Variants in KCNMA1 observed in about 807,000 individuals in gnomAD.
The protein encoded by KCNMA1 is Calcium-activated potassium channel subunit alpha-1.
Under a neutral mutation model 140.0 loss-of-function variants are expected in KCNMA1, and 29 were observed. The observed-to-expected ratio is 0.21, with a 90% CI of 0.15 to 0.28. The LOEUF (loss-of-function observed/expected upper bound fraction) is 0.28. KCNMA1 is among the 10% of genes least tolerant of loss of function. The pLI is 1.00. For missense variants in KCNMA1, 880 were observed against 1,602.2 expected (o/e 0.55, Z 7.70); for synonymous variants, 612 against 611.9 (o/e 1.00, Z 0.00).
chr10:77,330,967 G>A (rs1566023382), intron 2 of KCNMA1, among the ~76,000 whole-genome samples: 1 of 152,096 alleles, frequency 6.6e-6, no homozygotes, highest in Non-Finnish European at 1.5e-5. Flanking sequence ...AAATAGGAGG[G>A]TCCTATTGTT....
intron 21 of KCNMA1, among the ~76,000 whole-genome samples, chr10:76,953,428 A>G (rs2067019995): frequency 6.6e-6 from 1 of 152,174 alleles, no homozygotes; most frequent in Non-Finnish European, 1.5e-5. Context: ...TTTTACAGAT[A>G]AGAAAACCGA....
intron 1 of KCNMA1, among the ~76,000 whole-genome samples, chr10:77,435,934 T>A (rs7071433): frequency 0.11 from 17,032 of 152,224 alleles, 1,023 homozygotes; most frequent in Middle Eastern, 0.19. Flanking sequence ...CAGATGCCTA[T>A]GAAAGGGGAG....
At chr10:76,906,992 T>C (rs1481248519) in intron 25 of KCNMA1, among the ~76,000 whole-genome samples, 1 of 152,228 alleles carries the variant, frequency 6.6e-6, no homozygotes, top group Non-Finnish European at 1.5e-5. Context: ...ATGACTTACT[T>C]AAATATGTCT....
intron 3 of KCNMA1, among the ~76,000 whole-genome samples, chr10:77,244,490 C>T (rs1392650880): frequency 6.6e-6 from 1 of 152,134 alleles, no homozygotes; most frequent in Non-Finnish European, 1.5e-5. Context: ...GCAAGGAAGA[C>T]AAGATTTCCT....
rs1471647424 is a variant in KCNMA1 at position 77,283,353 on chromosome 10, C to T, written c.541-32097G>A. Among the ~76,000 whole-genome samples the T allele has an allele frequency of 3.3e-5, 5 of 152,220 alleles. 1 individual carries two copies. The highest frequency in any genetic ancestry group is 3.3e-4 in the Admixed American group (5 of 15,284). On this transcript the variant is annotated intron_variant, in intron 2 of 27. Coordinates refer to ENST00000286628, the MANE Select transcript of KCNMA1 (RefSeq NM_001161352.2). ...GGCTCGAGGAGGAGGGAGAAGGAGG[C>T]AGGGTTTCATTTCAAGATCAGTCAG...
intron 1 of KCNMA1, among the ~76,000 whole-genome samples, chr10:77,526,567 G>A (rs1338239077): frequency 2.6e-5 from 4 of 152,186 alleles, no homozygotes; most frequent in Admixed American, 1.3e-4. Context: ...TTAGTGGCCC[G>A]ATCATTCCTA....
At chr10:77,471,600 A>G (rs2098153499) in intron 1 of KCNMA1, among the ~76,000 whole-genome samples, 1 of 150,412 alleles carries the variant, frequency 6.6e-6, no homozygotes, top group African/African-American at 2.5e-5. Flanking sequence ...ACACACACAC[A>G]CCACACACAC....
intron 1 of KCNMA1, among the ~76,000 whole-genome samples, chr10:77,583,275 C>A (rs2076361014): frequency 6.6e-6 from 1 of 152,212 alleles, no homozygotes; most frequent in African/African-American, 2.4e-5. Flanking sequence ...CACTATGAAG[C>A]CCATCAGAAA....
intron 1 of KCNMA1, chr10:77,636,230 G>C: frequency 7.0e-7 from 1 of 1,432,030 alleles, no homozygotes; most frequent in East Asian, 2.5e-5. Context: ...TTATTCTGCA[G>C]TTTTCTATCA....
At chr10:76,939,206 C>T (rs147924301) in intron 23 of KCNMA1, 2,112 of 149,768 alleles carry the variant, frequency 0.014, 28 homozygotes, top group Non-Finnish European at 0.024. Context: ...ATGCAAGCTC[C>T]GCCTCCTGGG....
chr10:77,046,378 C>A (rs933398634), intron 14 of KCNMA1, among the ~76,000 whole-genome samples: 2 of 151,990 alleles, frequency 1.3e-5, no homozygotes, highest in African/African-American at 4.8e-5. Context: ...TTATCATGAC[C>A]CCACACCCCC....
chr10:77,268,019 T>A (rs2063893437), intron 2 of KCNMA1, among the ~76,000 whole-genome samples: 2 of 152,302 alleles, frequency 1.3e-5, no homozygotes, highest in South Asian at 4.1e-4. Flanking sequence ...CCCAGTTTGC[T>A]TGATGTCCTG....
chr10:76,984,633 G>A (rs191993316), intron 19 of KCNMA1, among the ~76,000 whole-genome samples: 102 of 152,278 alleles, frequency 6.7e-4, no homozygotes, highest in African/African-American at 2.3e-3. Context: ...GGATTAATTT[G>A]TGTAAATAGA....
At chr10:77,130,894 A>G (rs1003202550) in intron 5 of KCNMA1, among the ~76,000 whole-genome samples, 1 of 152,184 alleles carries the variant, frequency 6.6e-6, no homozygotes, top group East Asian at 1.9e-4. Flanking sequence ...ACATATGTCT[A>G]TCTCCACAAT....
At chr10:77,295,108 G>C (rs1265777510) in intron 2 of KCNMA1, among the ~76,000 whole-genome samples, 2 of 151,946 alleles carry the variant, frequency 1.3e-5, no homozygotes, top group African/African-American at 4.8e-5. Flanking sequence ...AGCACTTTGG[G>C]AAGCCAAGGT....
intron 5 of KCNMA1, among the ~76,000 whole-genome samples, chr10:77,182,391 T>G (rs1389705569): frequency 6.6e-6 from 1 of 152,162 alleles, no homozygotes; most frequent in Non-Finnish European, 1.5e-5. Context: ...TCATGATTAG[T>G]TAGGAAGCCA....
At chr10:77,600,857 G>C (rs1004785435) in intron 1 of KCNMA1, among the ~76,000 whole-genome samples, 1 of 152,094 alleles carries the variant, frequency 6.6e-6, no homozygotes, top group African/African-American at 2.4e-5. Flanking sequence ...CAGCGCCCAG[G>C]CATGCACCAA....
intron 1 of KCNMA1, among the ~76,000 whole-genome samples, chr10:77,590,448 G>A (rs1456729381): frequency 1.3e-5 from 2 of 152,200 alleles, no homozygotes; most frequent in East Asian, 1.9e-4. Context: ...GCTAAGGCCC[G>A]GTGAGAAATT....
intron 1 of KCNMA1, among the ~76,000 whole-genome samples, chr10:77,602,303 G>C (rs2082907978): frequency 6.6e-6 from 1 of 152,148 alleles, no homozygotes; most frequent in African/African-American, 2.4e-5. Context: ...CACGGGCTCA[G>C]AAAGGCCACC....
Sources: gnomAD v4.1 joint callset for allele counts (sites outside exome capture counted in the v4.1 genomes callset) on GRCh38, gnomAD v4.1.1 for gene constraint, MANE v1.5 for transcripts, NCBI Gene and HGNC (gene_info 2026-07-23, HGNC 2026-07-21) for gene names.